RNF145: variants seen among roughly 807,000 people sequenced by gnomAD.
RNF145 encodes the protein ring finger protein 145.
In RNF145, 12 loss-of-function variants were observed where a neutral mutation model predicts 57.3. The observed-to-expected ratio is 0.21, with a 90% CI of 0.13 to 0.34. RNF145 has a LOEUF of 0.34. Among genes scored for constraint, RNF145 ranks in the 10% least tolerant of loss-of-function variants. RNF145 has a pLI of 1.00. For missense variants in RNF145, 429 were observed against 799.0 expected, an observed-to-expected ratio of 0.54 and a Z score of 5.58; for synonymous variants, 262 against 288.3, an observed-to-expected ratio of 0.91 and a Z score of 0.92.
intron 1 of RNF145, 23 bp from the exon 2 acceptor site, chr5:159,203,679 TATAAAA>T (rs1562078167): frequency 2.7e-6 from 4 of 1,500,988 alleles, no homozygotes; most frequent in East Asian, 2.3e-5. Flanking sequence ...AGACACAATA[TATAAAA>T]ATAAAAAGTC....
chr5:159,167,315 GAAT>G (rs1288922933), intron 8 of RNF145, among the ~76,000 whole-genome samples: 1 of 152,078 alleles, frequency 6.6e-6, no homozygotes, highest in African/African-American at 2.4e-5. Flanking sequence ...CAGCCACAAG[GAAT>G]AACACAGACA....
rs541920822 is a variant in RNF145, at chr5:159,170,550, A to G, written c.798-731T>C. Among the ~76,000 whole-genome samples the G allele has an allele frequency of 1.3e-3, 199 of 152,270 alleles. 1 individual carries two copies. The highest frequency in any genetic ancestry group is 4.6e-3 in the African/African-American group (191 of 41,540). ...TATGTATTTTATAAATACATGTACT[A>G]TTATGTACTGAGATAGATTTAGCAT... On this transcript the variant is annotated intron_variant, in intron 6 of 10. Coordinates refer to ENST00000424310, the MANE Select transcript of RNF145 (RefSeq NM_001199383.2).
At chr5:159,207,765 C>T (rs781621399) in intron 1 of RNF145, 1 of 1,614,198 alleles carries the variant, frequency 6.2e-7, no homozygotes, top group Non-Finnish European at 8.5e-7. Context: ...CTGATCTCCA[C>T]ATAAACTACT....
chr5:159,210,030 G>A (rs1786057507), upstream of RNF145: 1 of 731,798 alleles, frequency 1.4e-6, no homozygotes, highest in Non-Finnish European at 2.3e-6. Context: ...AACCCCTGTG[G>A]AGTAAGTGAC....
intron 1 of RNF145, among the ~76,000 whole-genome samples, chr5:159,207,104 T>C (rs765352947): frequency 3.9e-5 from 6 of 152,202 alleles, no homozygotes; most frequent in Non-Finnish European, 5.9e-5. Context: ...TAATGTCTTG[T>C]AGAAGTATAA....
rs767720909 is a variant in RNF145 at position 159,207,823 on chromosome 5, G to T, written c.-40+1408C>A. On this transcript the variant is annotated intron_variant, in intron 1 of 10. Coordinates refer to ENST00000424310, the MANE Select transcript of RNF145 (RefSeq NM_001199383.2). ...ATCTCCCAAACCGCAAAGACAGGGA[G>T]TCTACTCTGAATACAAAGGCCATCT... 14 of 1,614,056 alleles carry T rather than the reference G, an allele frequency of 8.7e-6. No individual in the cohort carries two copies. The East Asian group carries it at 3.1e-4, about 36-fold the overall frequency.
intron 6 of RNF145, among the ~76,000 whole-genome samples, chr5:159,173,048 A>C (rs1452568947): frequency 6.6e-6 from 1 of 152,200 alleles, no homozygotes; most frequent in East Asian, 1.9e-4. Context: ...CTCACAATAA[A>C]ATGGGAAAAT....
chr5:159,161,744 G>T, intron 9 of RNF145, 122 bp from the exon 10 acceptor site: 1 of 600,170 alleles, frequency 1.7e-6, no homozygotes. Flanking sequence ...ATATACAGAA[G>T]AGTATCCAGG....
chr5:159,170,622 G>T (rs962085312), intron 6 of RNF145, among the ~76,000 whole-genome samples: 2 of 152,094 alleles, frequency 1.3e-5, no homozygotes, highest in African/African-American at 4.8e-5. Context: ...TTGAGACAGG[G>T]TCTTGCTCTG....
At chr5:159,167,229 G>T (rs573061299) in intron 8 of RNF145, among the ~76,000 whole-genome samples, 42 of 152,158 alleles carry the variant, frequency 2.8e-4, no homozygotes, top group Non-Finnish European at 5.4e-4. Flanking sequence ...GGGAAGAACA[G>T]AATAGAATAG....
chr5:159,203,513 G>C lies in RNF145; in HGVS notation c.105C>G (p.Phe35Leu). The C allele has an allele frequency of 6.2e-7, 1 of 1,613,994 alleles. No individual in the cohort carries two copies. Among genetic ancestry groups the C allele is most frequent in the Non-Finnish European group, 8.5e-7 (1 of 1,179,982 alleles). The change falls in exon 2 of 11, where the codon TTC (phenylalanine) becomes TTG (leucine). Residue 35 changes from phenylalanine to leucine, a missense_variant. Physicochemically the swap from Phe to Leu is conservative, Grantham distance 22. Coordinates refer to ENST00000424310, the MANE Select transcript of RNF145 (RefSeq NM_001199383.2). ...TAAGGCTACTTCTTTGGATCTGCTGGAAAAAGGAGCTGACATCCCATCTGT... is the reference window on the plus strand; with the variant it reads ...TAAGGCTACTTCTTTGGATCTGCTGCAAAAAGGAGCTGACATCCCATCTGT... ...VLYRWDVSSF[F>L]QQIQRSSLSN...
At chr5:159,179,491 C>G (rs888409924) in intron 4 of RNF145, among the ~76,000 whole-genome samples, 12 of 151,848 alleles carry the variant, frequency 7.9e-5, no homozygotes, top group African/African-American at 2.9e-4. Context: ...AGAAAAACAC[C>G]AGAAAATTAT....
chr5:159,203,713 G>C, intron 1 of RNF145, 57 bp from the exon 2 acceptor site: 1 of 1,172,182 alleles, frequency 8.5e-7, no homozygotes, highest in East Asian at 2.5e-5. Context: ...ATCGCTTTTA[G>C]ATACCCTTTC....
At chr5:159,203,335 TAATGAA>T in intron 2 of RNF145, 93 bp downstream of exon 2, 1 of 790,288 alleles carries the variant, frequency 1.3e-6, no homozygotes, top group South Asian at 1.6e-5. Flanking sequence ...ACTATCATCT[TAATGAA>T]AATGAACTTC....
At chr5:159,209,810 C>T (rs577679538), upstream of RNF145, 10 of 1,527,182 alleles carry the variant, frequency 6.5e-6, no homozygotes, top group African/African-American at 1.4e-4. Flanking sequence ...TGCTCTCTCA[C>T]TCCCAAACAC....
intron 1 of RNF145, chr5:159,208,232 C>A (rs1338530531): frequency 1.8e-6 from 2 of 1,138,602 alleles, no homozygotes; most frequent in African/African-American, 3.1e-5. Context: ...ACCGGGCCGC[C>A]GCCGCCGCGG....
intron 4 of RNF145, 36 bp downstream of exon 4, chr5:159,181,924 T>G: frequency 8.1e-7 from 1 of 1,242,180 alleles, no homozygotes; most frequent in Non-Finnish European, 1.2e-6. Context: ...GACTGGTCGG[T>G]TCCTACCTAC....
At chr5:159,173,320 A>G (rs1784614905) in intron 6 of RNF145, among the ~76,000 whole-genome samples, 2 of 152,152 alleles carry the variant, frequency 1.3e-5, no homozygotes, top group South Asian at 2.1e-4. Context: ...TCTTCTTCCA[A>G]TGTGGCCCAG....
chr5:159,170,951 G>T (rs1469904121), intron 6 of RNF145, among the ~76,000 whole-genome samples: 1 of 152,160 alleles, frequency 6.6e-6, no homozygotes, highest in Non-Finnish European at 1.5e-5. Flanking sequence ...TGATATAGAT[G>T]AGGAATTCAT....
Sources: gnomAD v4.1 joint callset for allele counts (sites outside exome capture counted in the v4.1 genomes callset) on GRCh38, gnomAD v4.1.1 for gene constraint, MANE v1.5 for transcripts, NCBI Gene and HGNC (gene_info 2026-07-23, HGNC 2026-07-21) for gene names.